The following UGT1A9 variants were observed in gnomAD, a reference collection of about 807,000 sequenced individuals.
The protein encoded by UGT1A9 is UDP glucuronosyltransferase family 1 member A9.
In UGT1A9, 35 loss-of-function variants were observed where a neutral mutation model predicts 45.0. The observed-to-expected ratio is 0.78, with a 90% CI of 0.59 to 1.03. UGT1A9 has a LOEUF of 1.03. Among genes scored for constraint, UGT1A9 ranks in the 50% least tolerant of loss-of-function variants. The pLI is 0.00. For synonymous variants in UGT1A9, 278 were observed against 250.6 expected (o/e 1.11, Z -1.03); for missense variants, 687 against 666.6 (o/e 1.03, Z -0.34).
In UGT1A9 at chr2:233,768,234, C is replaced by G. The variant is rs55750087; in HGVS notation, c.1090C>G (p.Arg364Gly). 2 of 1,614,044 alleles carry G rather than the reference C, an allele frequency of 1.2e-6. No homozygotes were observed. The highest frequency in any genetic ancestry group is 4.5e-5 in the East Asian group (2 of 44,882). Reference protein sequence around the residue: ...QNDLLGHPMTRAFITHAGSHG... With the variant: ...QNDLLGHPMTGAFITHAGSHG... ...TTGCATCTCAGGTCACCCGATGACCCGTGCCTTTATCACCCATGCTGGTTC... is the reference window on the plus strand; with the variant it reads ...TTGCATCTCAGGTCACCCGATGACCGGTGCCTTTATCACCCATGCTGGTTC... Residue 364 changes from arginine (R) to glycine (G), a missense_variant, in exon 4 of 5, where the codon CGT becomes GGT. Arg to Gly is a moderately radical substitution (Grantham distance 125). Coordinates refer to ENST00000354728, the MANE Select transcript of UGT1A9 (RefSeq NM_021027.3).
chr2:233,756,969 C>T (rs1044581590), intron 1 of UGT1A9, among the ~76,000 whole-genome samples: 2 of 151,840 alleles, frequency 1.3e-5, no homozygotes, highest in African/African-American at 2.4e-5. Context: ...TTGGTAAGCA[C>T]GCAATGAACA....
At chr2:233,730,613 G>C (rs1454743444) in intron 1 of UGT1A9, among the ~76,000 whole-genome samples, 2 of 152,156 alleles carry the variant, frequency 1.3e-5, no homozygotes. Context: ...AGATTTTCTG[G>C]TCAGGATTTG....
rs550573221 is a variant in UGT1A9 at position 233,701,154 on chromosome 2, A to G, written c.855+28365A>G. On this transcript the variant is annotated intron_variant, in intron 1 of 4. Transcript: ENST00000354728. ...TTTAGGTTGGTTCCAAGTCTTTGCT[A>G]TTGTGAATAGTGCCGTTATAAACAT... is the stretch of plus-strand genomic sequence containing the variant. Among the ~76,000 whole-genome samples the G allele has an allele frequency of 9.9e-5, 15 of 152,250 alleles. 1 individual carries two copies. The East Asian group carries it at 2.7e-3, about 27-fold the overall frequency.
chr2:233,770,479 C>T (rs545055885), intron 4 of UGT1A9: 1 of 152,002 alleles, frequency 6.6e-6, no homozygotes, highest in Admixed American at 6.5e-5. Flanking sequence ...CATGAAGAAA[C>T]CTTATCTCTA....
At chr2:233,757,773 G>A (rs1419561449) in intron 1 of UGT1A9, among the ~76,000 whole-genome samples, 2 of 151,708 alleles carry the variant, frequency 1.3e-5, no homozygotes, top group African/African-American at 2.4e-5. Context: ...TTAGTAATAA[G>A]CCTGTCATTC....
intron 1 of UGT1A9, among the ~76,000 whole-genome samples, chr2:233,731,635 T>A (rs2078185230): frequency 6.6e-6 from 1 of 152,238 alleles, no homozygotes; most frequent in Non-Finnish European, 1.5e-5. Context: ...TATGGCTGCA[T>A]AGTATTCCAT....
intron 1 of UGT1A9, among the ~76,000 whole-genome samples, chr2:233,697,370 G>C (rs1402233705): frequency 2.6e-5 from 4 of 152,046 alleles, no homozygotes; most frequent in Non-Finnish European, 2.9e-5. Context: ...GGCATATAGA[G>C]TTCACAATAA....
intron 1 of UGT1A9, among the ~76,000 whole-genome samples, chr2:233,687,583 T>TAAA (rs71398794): frequency 3.7e-5 from 4 of 107,450 alleles, no homozygotes; most frequent in African/African-American, 1.3e-4. Flanking sequence ...ACATTCTTTG[T>TAAA]AAAAAAAAAA....
At chr2:233,717,797 G>A (rs1227021075) in intron 1 of UGT1A9, 1 of 455,964 alleles carries the variant, frequency 2.2e-6, no homozygotes, top group African/African-American at 2.0e-5. Context: ...TTGAAGTAGT[G>A]CCCCCACAAA....
rs1275008504 is a variant in UGT1A9, at chr2:233,682,526, T to C, written c.855+9737T>C. On this transcript the variant is annotated intron_variant, in intron 1 of 4. Coordinates refer to ENST00000354728, the MANE Select transcript of UGT1A9 (RefSeq NM_021027.3). ...CTATGTCCCCAGACTTCTCTTAGGG[T>C]TCTCAGACGCCATGACTTTCAAGGA... is the stretch of plus-strand genomic sequence containing the variant. The C allele has an allele frequency of 2.5e-6, 4 of 1,613,918 alleles. No homozygotes were observed. The Admixed American group carries it at 6.7e-5, about 27-fold the overall frequency.
At chr2:233,759,615 C>CACCT (rs1177524804) in intron 1 of UGT1A9, among the ~76,000 whole-genome samples, 1 of 149,432 alleles carries the variant, frequency 6.7e-6, no homozygotes, top group Non-Finnish European at 1.5e-5. Context: ...CCCACCCACC[C>CACCT]ACCTGTTCAT....
chr2:233,756,734 ACCT>A (rs1246183091), intron 1 of UGT1A9, among the ~76,000 whole-genome samples: 2 of 151,778 alleles, frequency 1.3e-5, no homozygotes, highest in African/African-American at 2.4e-5. Flanking sequence ...AGTTCTCTTC[ACCT>A]CCTCCTTATT....
chr2:233,761,029 T>C (rs769198771), intron 1 of UGT1A9: 2 of 1,614,178 alleles, frequency 1.2e-6, no homozygotes, highest in East Asian at 2.2e-5. Context: ...CCAGGACCTA[T>C]TGAGCTCTGC....
intron 1 of UGT1A9, chr2:233,693,323 G>T: frequency 3.1e-6 from 5 of 1,614,140 alleles, no homozygotes; most frequent in Non-Finnish European, 4.2e-6. Context: ...ATTCCTAACT[G>T]CTCCTCAGAC....
chr2:233,729,491 T>C, intron 1 of UGT1A9: 1 of 1,614,228 alleles, frequency 6.2e-7, no homozygotes, highest in Non-Finnish European at 8.5e-7. Context: ...AATATGTCTT[T>C]GGTCTATCAT....
chr2:233,713,391 A>T (rs373895890), intron 1 of UGT1A9: 1 of 1,614,152 alleles, frequency 6.2e-7, no homozygotes, highest in South Asian at 1.1e-5. Flanking sequence ...GCTACTGCAT[A>T]ATGAGGCCCT....
At chr2:233,691,248 T>C in intron 1 of UGT1A9, 1 of 985,534 alleles carries the variant, frequency 1.0e-6, no homozygotes. Context: ...CTAGATGAAC[T>C]CAAAGCAAGA....
chr2:233,733,211 G>A (rs2078366147), intron 1 of UGT1A9, among the ~76,000 whole-genome samples: 1 of 152,200 alleles, frequency 6.6e-6, no homozygotes, highest in Non-Finnish European at 1.5e-5. Flanking sequence ...ACTTTGGGCT[G>A]AGACAATGGG....
chr2:233,732,553 T>TAAATAAGGA (rs1454535423), intron 1 of UGT1A9, among the ~76,000 whole-genome samples: 6 of 152,230 alleles, frequency 3.9e-5, no homozygotes, highest in African/African-American at 1.4e-4. Context: ...CACCATTTAT[T>TAAATAAGGA]AAATAAGGAA....
Sources: gnomAD v4.1 joint callset for allele counts (sites outside exome capture counted in the v4.1 genomes callset) on GRCh38, gnomAD v4.1.1 for gene constraint, MANE v1.5 for transcripts, NCBI Gene and HGNC (gene_info 2026-07-23, HGNC 2026-07-21) for gene names.